Variants in DYNC1H1 observed in about 807,000 individuals in gnomAD.
DYNC1H1 encodes the protein cytoplasmic dynein 1 heavy chain 1.
DYNC1H1 carries 51 observed loss-of-function variants against 527.1 expected under a neutral mutation model. The observed-to-expected ratio is 0.10, with a 90% CI of 0.08 to 0.12. The LOEUF (loss-of-function observed/expected upper bound fraction) is 0.12. DYNC1H1 is among the 10% of genes least tolerant of loss of function. The pLI, the probability that DYNC1H1 is intolerant of heterozygous loss-of-function variation, is 1.00. For missense variants in DYNC1H1, 2,771 were observed against 5,971.8 expected, an observed-to-expected ratio of 0.46 and a Z score of 17.66; for synonymous variants, 2,189 against 2,278.8, an observed-to-expected ratio of 0.96 and a Z score of 1.12.
rs2048536228 is a variant in DYNC1H1 at position 102,033,667 on chromosome 14, T to A, written c.10413+183T>A. ...TGAGTAGTCACTAAGTGTTGTTAATTAGGATAGATTGATACAAACTGGACA... is the reference window on the plus strand; with the variant it reads ...TGAGTAGTCACTAAGTGTTGTTAATAAGGATAGATTGATACAAACTGGACA... On this transcript the variant is annotated intron_variant, in intron 54 of 77. Transcript: ENST00000360184. The surrounding 1 kb of genome is among the most constrained non-coding windows in gnomAD (Gnocchi z 5.6). 1 of 787,146 alleles carries A rather than the reference T, an allele frequency of 1.3e-6. No individual in the cohort carries two copies. The highest frequency in any genetic ancestry group is 2.2e-5 in the Admixed American group (1 of 45,976). 48.8% of individuals were successfully genotyped at this position (787,146 alleles called of 1,614,324 possible). A position where few individuals can be genotyped will look rare whatever the true frequency, so the allele number is the denominator to read the frequency against.
In DYNC1H1 at chr14:102,041,766, G is replaced by A. The variant is rs919782223; in HGVS notation, c.12102+32G>A. 8 of 1,613,092 alleles carry A rather than the reference G, an allele frequency of 5.0e-6. No homozygotes were observed. Among genetic ancestry groups the A allele is most frequent in the South Asian group, 1.1e-5 (1 of 91,030 alleles). Reference sequence around the variant, plus strand: ...TCCTGGTACAGCCCGGGCTTCCCACGAGACTCCATGCCCACCTCCCCAGCC... The same window carrying A: ...TCCTGGTACAGCCCGGGCTTCCCACAAGACTCCATGCCCACCTCCCCAGCC... On this transcript the variant is annotated intron_variant, in intron 65 of 77. Coordinates refer to ENST00000360184, the MANE Select transcript of DYNC1H1 (RefSeq NM_001376.5). The surrounding 1 kb of genome is among the most constrained non-coding windows in gnomAD (Gnocchi z 4.5).
intron 24 of DYNC1H1, 33 bp downstream of exon 24, chr14:102,004,716 C>T (rs367800843): frequency 1.7e-5 from 27 of 1,614,044 alleles, no homozygotes; most frequent in Non-Finnish European, 2.2e-5. Flanking sequence ...TAAAACTTCT[C>T]TCACATTTTT....
Position 102,006,160 on chromosome 14 carries a change from T to C in DYNC1H1, c.5706T>C (p.Gly1902=). ...AAGCCTTGGAGGCCAGGCTGGGGGGTTCCCCATTTGGTAAGTTCTTCCACA... is the reference window on the plus strand; with the variant it reads ...AAGCCTTGGAGGCCAGGCTGGGGGGCTCCCCATTTGGTAAGTTCTTCCACA... ...MTQALEARLG[G]SPFGPAGTGK... Residue 1902 remains glycine (G), a synonymous_variant, in exon 27 of 78, where the codon GGT becomes GGC. Transcript: ENST00000360184. 1 of 1,613,456 alleles carries C rather than the reference T, an allele frequency of 6.2e-7. No homozygotes were observed. Among genetic ancestry groups the C allele is most frequent in the Non-Finnish European group, 8.5e-7 (1 of 1,179,936 alleles).
At position 102,017,877 on chromosome 14, in the gene DYNC1H1, C is replaced by T. The variant is rs1352495998; in HGVS notation, c.8177+373C>T. ...ATCCCAGCACTTTGGGAGGCCGAAG[C>T]GGGCAGATCACGAGGTCAGGAGGTT... is the stretch of plus-strand genomic sequence containing the variant. On this transcript the variant is annotated intron_variant, in intron 40 of 77. Transcript: ENST00000360184. The surrounding 1 kb of genome is among the most constrained non-coding windows in gnomAD (Gnocchi z 4.6). 2.4e-5 allele frequency: 8 copies of T among 338,946 alleles called. No individual in the cohort carries two copies. Among genetic ancestry groups the T allele is most frequent in the Admixed American group, 8.3e-5 (2 of 24,130 alleles). 21.0% of individuals were successfully genotyped at this position (338,946 alleles called of 1,614,324 possible).
chr14:101,984,932 CAAAAAAAAAAA>C (rs773102943), intron 7 of DYNC1H1, among the ~76,000 whole-genome samples: 15 of 40,164 alleles, frequency 3.7e-4, no homozygotes, highest in South Asian at 1.1e-3. Flanking sequence ...GGCTCCGTCT[CAAAAAAAAAAA>C]AAAAAAAAAA....
At chr14:102,007,203 T>G in intron 28 of DYNC1H1, 95 bp downstream of exon 28, 1 of 1,356,410 alleles carries the variant, frequency 7.4e-7, no homozygotes. Flanking sequence ...GCCATTGGTC[T>G]TACAGCTCAG....
At chr14:101,987,755 T>C in intron 9 of DYNC1H1, 123 bp downstream of exon 9, 4 of 1,156,090 alleles carry the variant, frequency 3.5e-6, no homozygotes, top group Non-Finnish European at 5.0e-6. Flanking sequence ...TCAATTCCCC[T>C]CCAAAATCTC....
In DYNC1H1 at chr14:102,020,948, T is replaced by G. The variant is rs138860949; in HGVS notation, c.8507+892T>G. ...CATTACTGACAGCCACTGTAAGAGA[T>G]GAGCAGGCAAGGCAGAGTGCAGAGT... On this transcript the variant is annotated intron_variant, in intron 42 of 77. Coordinates refer to ENST00000360184, the MANE Select transcript of DYNC1H1 (RefSeq NM_001376.5). This position sits in a 1 kb window ranked among gnomAD's most constrained non-coding sequence, Gnocchi z 4.3. 3.0e-3 allele frequency among the ~76,000 whole-genome samples: 451 copies of G among 152,302 alleles called. 4 individuals carry two copies. Among genetic ancestry groups the G allele is most frequent in the African/African-American group, 0.01 (428 of 41,574 alleles).
rs755282350 is a variant in DYNC1H1, at chr14:101,979,501, T to A, written c.518+9T>A. 1.9e-6 allele frequency: 3 copies of A among 1,614,016 alleles called. No homozygotes were observed. Among genetic ancestry groups the A allele is most frequent in the Non-Finnish European group, 2.5e-6 (3 of 1,180,024 alleles). ...TCTGGCAAGGCAGACAGGTAAAAACTGTGGTTTGAATGTTATATTTCACTT... is the reference window on the plus strand; with the variant it reads ...TCTGGCAAGGCAGACAGGTAAAAACAGTGGTTTGAATGTTATATTTCACTT... On this transcript the variant is annotated intron_variant, in intron 3 of 77. Transcript: ENST00000360184. This position sits in a 1 kb window ranked among gnomAD's most constrained non-coding sequence, Gnocchi z 4.6.
At chr14:101,993,939 C>T (rs1395994363) in intron 11 of DYNC1H1, among the ~76,000 whole-genome samples, 3 of 152,186 alleles carry the variant, frequency 2.0e-5, no homozygotes, top group Non-Finnish European at 2.9e-5. Flanking sequence ...TGGCTTCGTG[C>T]ACTTTTCAGC....
In DYNC1H1 at chr14:102,041,799, G is replaced by A. The variant is rs2048654132; in HGVS notation, c.12102+65G>A. ...ATGCCCACCTCCCCAGCCACAGGTG[G>A]CAGCAGCCCTGGCATCTGCTCTCAC... On this transcript the variant is annotated intron_variant, in intron 65 of 77. Transcript: ENST00000360184. This position sits in a 1 kb window ranked among gnomAD's most constrained non-coding sequence, Gnocchi z 4.5. 4 of 1,610,346 alleles carry A rather than the reference G, an allele frequency of 2.5e-6. No individual in the cohort carries two copies. Among genetic ancestry groups the A allele is most frequent in the Admixed American group, 3.3e-5 (2 of 59,858 alleles).
chr14:102,038,051 C>G lies in DYNC1H1; in HGVS notation c.10909-409C>G, dbSNP rs2048598687. 3.0e-6 allele frequency: 1 copy of G among 331,482 alleles called. No individual in the cohort carries two copies. Among genetic ancestry groups the G allele is most frequent in the Non-Finnish European group, 5.9e-6 (1 of 169,590 alleles). 20.5% of individuals were successfully genotyped at this position (331,482 alleles called of 1,614,324 possible). A position where few individuals can be genotyped will look rare whatever the true frequency, so the allele number is the denominator to read the frequency against. ...TGTTTTTTTGAGACAGAGTGTTGCTCTGTCCCCCAGTCTGAACCTCCCAGG... is the reference window on the plus strand; with the variant it reads ...TGTTTTTTTGAGACAGAGTGTTGCTGTGTCCCCCAGTCTGAACCTCCCAGG... On this transcript the variant is annotated intron_variant, in intron 57 of 77. Coordinates refer to ENST00000360184, the MANE Select transcript of DYNC1H1 (RefSeq NM_001376.5). This position sits in a 1 kb window ranked among gnomAD's most constrained non-coding sequence, Gnocchi z 7.2.
rs755668441 is a variant in DYNC1H1, at chr14:102,015,297, G to A, written c.7207G>A (p.Asp2403Asn). Reference sequence around the variant, plus strand: ...ACAGCGGCGGCGTAAGGGCAAAGAGGATGAGGGGGAGGAGGCCGCTTCCCC... The same window carrying A: ...ACAGCGGCGGCGTAAGGGCAAAGAGAATGAGGGGGAGGAGGCCGCTTCCCC... ...EAQRRRKGKE[D>N]EGEEAASPML... The change falls in exon 35 of 78, where the codon GAT becomes AAT. Residue 2403 changes from aspartate to asparagine, a missense_variant. Coordinates refer to ENST00000360184, the MANE Select transcript of DYNC1H1 (RefSeq NM_001376.5). The surrounding 1 kb of genome is among the most constrained non-coding windows in gnomAD (Gnocchi z 6.9). 15 of 1,614,042 alleles carry A rather than the reference G, an allele frequency of 9.3e-6. No homozygotes were observed. The South Asian group carries it at 1.6e-4, about 18-fold the overall frequency.
In DYNC1H1 at chr14:102,034,319, T is replaced by C. The variant is rs1555411461; in HGVS notation, c.10627-6T>C. On this transcript the variant is annotated splice_region_variant and splice_polypyrimidine_tract_variant and intron_variant, in intron 55 of 77. Transcript: ENST00000360184. Reference sequence around the variant, plus strand: ...GAGGAGGAAAGGTAACGGCCTTGCCTTTCAGTTCCGTACAGATATTGCCAG... The same window carrying C: ...GAGGAGGAAAGGTAACGGCCTTGCCCTTCAGTTCCGTACAGATATTGCCAG... The C allele has an allele frequency of 2.5e-6, 4 of 1,614,256 alleles. No homozygotes were observed. The highest frequency in any genetic ancestry group is 1.1e-5 in the South Asian group (1 of 91,086).
chr14:102,048,794 T>C, intron 74 of DYNC1H1, 125 bp downstream of exon 74: 2 of 669,796 alleles, frequency 3.0e-6, no homozygotes, highest in Non-Finnish European at 2.2e-6. Context: ...CGAGAGCAGC[T>C]CTGTGCTCTT....
At position 101,971,673 on chromosome 14, in the gene DYNC1H1, C is replaced by T. The variant is rs143265607; in HGVS notation, c.257-4039C>T. On this transcript the variant is annotated intron_variant, in intron 1 of 77. Coordinates refer to ENST00000360184, the MANE Select transcript of DYNC1H1 (RefSeq NM_001376.5). ...CCAGAGAGGTCAAGGCTGCAATGAGCTGTGATTGCACCACTGCACTCCAGC... is the reference window on the plus strand; with the variant it reads ...CCAGAGAGGTCAAGGCTGCAATGAGTTGTGATTGCACCACTGCACTCCAGC... Among the ~76,000 whole-genome samples the T allele has an allele frequency of 4.8e-3, 735 of 152,260 alleles. 6 individuals carry two copies. Among genetic ancestry groups the T allele is most frequent in the South Asian group, 0.016 (76 of 4,826 alleles).
chr14:102,054,746 T>A lies in DYNC1H1; in HGVS notation c.*4183T>A, dbSNP rs896331096. 1 of 152,156 alleles carries A rather than the reference T, an allele frequency of 6.6e-6. No individual in the cohort carries two copies. The highest frequency in any genetic ancestry group is 1.5e-5 in the Non-Finnish European group (1 of 68,078). The allele number at this position is 152,156 out of a possible 1,614,324, so 9.4% of individuals were successfully genotyped here. A position where few individuals can be genotyped will look rare whatever the true frequency, so the allele number is the denominator to read the frequency against. On this transcript the variant is annotated 3_prime_UTR_variant, in exon 78 of 78. Transcript: ENST00000360184. Reference sequence around the variant, plus strand: ...ACCATGCCCGGCTAATTTTTCTATTTTTAGTAGAGACAGGGTTTTGCCATG... The same window carrying A: ...ACCATGCCCGGCTAATTTTTCTATTATTAGTAGAGACAGGGTTTTGCCATG...
chr14:102,045,155 T>G, intron 72 of DYNC1H1: 1 of 225,048 alleles, frequency 4.4e-6, no homozygotes, highest in Non-Finnish European at 9.0e-6. Flanking sequence ...ATACAAAAAT[T>G]AGGTGAGCAT....
chr14:102,045,552 A>C (rs760417440), intron 72 of DYNC1H1, among the ~76,000 whole-genome samples: 10 of 152,072 alleles, frequency 6.6e-5, no homozygotes, highest in Non-Finnish European at 1.2e-4. Flanking sequence ...CAGAGGTTTC[A>C]GTGAGCTGAG....
Sources: gnomAD v4.1 joint callset for allele counts (sites outside exome capture counted in the v4.1 genomes callset) on GRCh38, gnomAD v4.1.1 for gene constraint, Gnocchi (gnomAD v3.1) non-coding constraint, MANE v1.5 for transcripts, NCBI Gene and HGNC (gene_info 2026-07-23, HGNC 2026-07-21) for gene names.